The following ZDHHC15 variants were observed in gnomAD, a reference collection of about 807,000 sequenced individuals.
ZDHHC15 encodes the protein zDHHC palmitoyltransferase 15.
A neutral mutation model predicts 31.7 loss-of-function variants in ZDHHC15; 19 were observed. That is an observed-to-expected ratio of 0.60 (90% CI 0.42 to 0.88). ZDHHC15 has a LOEUF of 0.88. ZDHHC15 is among the 40% of genes least tolerant of loss of function. The pLI is 0.00. For missense variants in ZDHHC15, 209 were observed against 251.2 expected (o/e 0.83, Z 1.14); for synonymous variants, 103 against 90.0 (o/e 1.14, Z -0.82).
chrX:75,413,590 G>A (rs1284155131), intron 10 of ZDHHC15, among the ~76,000 whole-genome samples: 8 of 109,775 alleles, frequency 7.3e-5, no homozygotes, highest in Admixed American at 2.9e-4. Context: ...ACTTGAGCCC[G>A]GGAGGCAGAG....
At chrX:75,406,959 T>C (rs892919707) in intron 10 of ZDHHC15, among the ~76,000 whole-genome samples, 5 of 111,788 alleles carry the variant, frequency 4.5e-5, no homozygotes, top group African/African-American at 1.6e-4. Context: ...CTGAACTCAA[T>C]CACAAATTTA....
At chrX:75,467,682 C>A (rs2084428919) in intron 3 of ZDHHC15, among the ~76,000 whole-genome samples, 1 of 112,479 alleles carries the variant, frequency 8.9e-6, no homozygotes, top group Non-Finnish European at 1.9e-5. Flanking sequence ...AATTCCCAAA[C>A]AATCAGACTT....
At chrX:75,404,716 G>A (rs1310621608) in intron 10 of ZDHHC15, among the ~76,000 whole-genome samples, 2 of 111,771 alleles carry the variant, frequency 1.8e-5, no homozygotes, top group Non-Finnish European at 3.8e-5. Context: ...TTATAATAAA[G>A]TCAAAAAATA....
At chrX:75,471,785 G>C (rs1367991158) in intron 3 of ZDHHC15, among the ~76,000 whole-genome samples, 1 of 111,965 alleles carries the variant, frequency 8.9e-6, no homozygotes, top group Non-Finnish European at 1.9e-5. Flanking sequence ...CAGTGCTTGA[G>C]TTGTCAGTGG....
intron 10 of ZDHHC15, among the ~76,000 whole-genome samples, chrX:75,405,470 A>G (rs1907648389): frequency 8.9e-6 from 1 of 111,948 alleles, no homozygotes; most frequent in Non-Finnish European, 1.9e-5. Context: ...ACATAAATGG[A>G]AAATGATACT....
chrX:75,471,852 A>C (rs1041172162), intron 3 of ZDHHC15, among the ~76,000 whole-genome samples: 1 of 111,606 alleles, frequency 9.0e-6, no homozygotes, highest in Non-Finnish European at 1.9e-5. Context: ...ATCACAGCAG[A>C]GGTCTCTAGG....
intron 10 of ZDHHC15, among the ~76,000 whole-genome samples, chrX:75,400,509 G>A (rs1473911810): frequency 8.9e-6 from 1 of 111,855 alleles, no homozygotes; most frequent in Non-Finnish European, 1.9e-5. Context: ...CAAATCATTG[G>A]CATCCCTGAA....
intron 2 of ZDHHC15, among the ~76,000 whole-genome samples, chrX:75,484,990 T>G (rs2084754249): frequency 8.9e-6 from 1 of 111,807 alleles, no homozygotes; most frequent in Admixed American, 9.5e-5. Flanking sequence ...ATGATTCAAT[T>G]TATATAACTA....
At position 75,429,316 on chromosome X, in the gene ZDHHC15, A is replaced by G. The variant is rs1341993438; in HGVS notation, c.483-118T>C. On this transcript the variant is annotated intron_variant, in intron 6 of 11. Coordinates refer to ENST00000373367, the MANE Select transcript of ZDHHC15 (RefSeq NM_144969.3). Reference sequence around the variant, plus strand: ...TCTGCTGCTTCATTATGTGTCGTGTAAAAGCCCAATAGAGATAGAAGTCCC... The same window carrying G: ...TCTGCTGCTTCATTATGTGTCGTGTGAAAGCCCAATAGAGATAGAAGTCCC... 5.6e-6 allele frequency: 5 copies of G among 891,291 alleles called. No individual in the cohort carries two copies. The African/African-American group carries it at 1.0e-4, about 18-fold the overall frequency. 73.5% of individuals were successfully genotyped at this position (891,291 alleles called of 1,213,427 possible). A position where few individuals can be genotyped will look rare whatever the true frequency, so the allele number is the denominator to read the frequency against.
At chrX:75,400,374 G>A (rs766563157) in intron 10 of ZDHHC15, among the ~76,000 whole-genome samples, 144 of 111,494 alleles carry the variant, frequency 1.3e-3, no homozygotes, top group Non-Finnish European at 2.3e-3. Context: ...GCTGAGGAAA[G>A]AATCTCAGAA....
At chrX:75,400,275 A>C (rs753022091) in intron 10 of ZDHHC15, among the ~76,000 whole-genome samples, 3 of 112,070 alleles carry the variant, frequency 2.7e-5, no homozygotes, top group Non-Finnish European at 5.6e-5. Flanking sequence ...GCCAGTATAA[A>C]AAAGAACCTA....
In ZDHHC15 at chrX:75,522,879, C is replaced by A. The variant is rs1451839550; in HGVS notation, c.136+10G>T. The A allele has an allele frequency of 2.5e-6, 3 of 1,211,268 alleles. No homozygotes were observed. The East Asian group carries it at 8.9e-5, about 36-fold the overall frequency. On this transcript the variant is annotated intron_variant, in intron 1 of 11. Transcript: ENST00000373367. ...TAATTTCCCCACCTTAGGTGCCCAG[C>A]CCCACTTACCCAGGCAGAGTTCAAA...
intron 10 of ZDHHC15, among the ~76,000 whole-genome samples, chrX:75,385,239 T>A (rs995194104): frequency 8.9e-6 from 1 of 111,835 alleles, no homozygotes; most frequent in African/African-American, 3.2e-5. Flanking sequence ...AGAGCTCTTG[T>A]ATATAGGATG....
At chrX:75,474,656 C>G (rs1034787686) in intron 3 of ZDHHC15, among the ~76,000 whole-genome samples, 1 of 67,532 alleles carries the variant, frequency 1.5e-5, no homozygotes, top group African/African-American at 4.5e-5. Context: ...TATTCCTGAT[C>G]ATTGAGGTAT....
At chrX:75,464,348 T>C (rs2084369344) in intron 3 of ZDHHC15, among the ~76,000 whole-genome samples, 1 of 110,989 alleles carries the variant, frequency 9.0e-6, no homozygotes, top group Admixed American at 9.6e-5. Flanking sequence ...GACGAGTTAA[T>C]GGGTGCAGCA....
At chrX:75,385,797 G>A (rs1367651129) in intron 10 of ZDHHC15, among the ~76,000 whole-genome samples, 1 of 111,309 alleles carries the variant, frequency 9.0e-6, no homozygotes, top group Non-Finnish European at 1.9e-5. Context: ...AGCCTTTTCT[G>A]ACCACCCTGG....
intron 7 of ZDHHC15, 89 bp downstream of exon 7, chrX:75,428,989 A>G: frequency 8.8e-7 from 1 of 1,133,054 alleles, no homozygotes; most frequent in Non-Finnish European, 1.2e-6. Context: ...GCTATTTAAA[A>G]ATGTAAAAAG....
At chrX:75,461,652 C>T (rs1468349802) in intron 3 of ZDHHC15, among the ~76,000 whole-genome samples, 1 of 111,942 alleles carries the variant, frequency 8.9e-6, no homozygotes, top group African/African-American at 3.2e-5. Context: ...AAATAATTTT[C>T]AGCCCAGTAT....
At chrX:75,514,538 G>T (rs1280792197) in intron 1 of ZDHHC15, among the ~76,000 whole-genome samples, 1 of 111,856 alleles carries the variant, frequency 8.9e-6, no homozygotes, top group African/African-American at 3.2e-5. Context: ...CACTGGGACT[G>T]GTTGGACAGT....
Sources: allele counts gnomAD v4.1 joint callset (sites outside exome capture counted in the v4.1 genomes callset), GRCh38; gene constraint gnomAD v4.1.1; transcripts MANE v1.5; gene names NCBI Gene and HGNC (gene_info 2026-07-23, HGNC 2026-07-21).